HS3ST2: variants seen among roughly 807,000 people sequenced by gnomAD.
HS3ST2 encodes the protein heparan sulfate-glucosamine 3-sulfotransferase 2, also known as heparan sulfate glucosamine 3-O-sulfotransferase 2.
Under a neutral mutation model 26.3 loss-of-function variants are expected in HS3ST2, and 17 were observed. That is an observed-to-expected ratio of 0.65 (90% CI 0.44 to 0.97). HS3ST2 has a LOEUF of 0.97. Ranked by LOEUF, HS3ST2 falls within the 50% of genes least tolerant of loss-of-function variation. HS3ST2 has a pLI of 0.00. For synonymous variants in HS3ST2, 237 were observed against 219.2 expected, an observed-to-expected ratio of 1.08 and a Z score of -0.72; for missense variants, 402 against 501.2, an observed-to-expected ratio of 0.80 and a Z score of 1.89.
intron 1 of HS3ST2, among the ~76,000 whole-genome samples, chr16:22,881,921 AAGCATC>A (rs1225977112): frequency 6.6e-6 from 1 of 152,250 alleles, no homozygotes; most frequent in Non-Finnish European, 1.5e-5. Context: ...CAGTAGCCTG[AAGCATC>A]AGGAGACACA....
chr16:22,874,184 G>A (rs1259400448), intron 1 of HS3ST2, among the ~76,000 whole-genome samples: 1 of 152,178 alleles, frequency 6.6e-6, no homozygotes, highest in East Asian at 1.9e-4. Flanking sequence ...CATAAGCCAA[G>A]CTAGAAAACT....
intron 1 of HS3ST2, among the ~76,000 whole-genome samples, chr16:22,857,671 A>G (rs1596616332): frequency 1.3e-5 from 2 of 152,178 alleles, no homozygotes; most frequent in East Asian, 3.8e-4. Flanking sequence ...TCAATAATGG[A>G]ATGTGAAAGA....
Position 22,915,320 on chromosome 16 carries a change from G to A in HS3ST2, c.862G>A (p.Val288Ile). ...ITDPAGEMGRVQDFLGIKRFI... is the reference protein window; with the variant it reads ...ITDPAGEMGRIQDFLGIKRFI... ...TGACCCGGCCGGCGAGATGGGGCGA[G>A]TCCAGGACTTCCTGGGCATTAAGAG... Residue 288 changes from valine (V) to isoleucine (I), a missense_variant, in exon 2 of 2, where the codon GTC (valine) becomes ATC (isoleucine). Physicochemically the swap from Val to Ile is conservative, Grantham distance 29. Transcript: ENST00000261374. The A allele has an allele frequency of 6.2e-7, 1 of 1,614,100 alleles. No individual in the cohort carries two copies. The highest frequency in any genetic ancestry group is 1.1e-5 in the South Asian group (1 of 91,076).
At chr16:22,873,848 C>T (rs575202965) in intron 1 of HS3ST2, among the ~76,000 whole-genome samples, 4 of 152,252 alleles carry the variant, frequency 2.6e-5, no homozygotes, top group East Asian at 1.9e-4. Context: ...ACTAGTGGGT[C>T]GACTGCGGCT....
At chr16:22,821,580 G>C (rs1365603018) in intron 1 of HS3ST2, among the ~76,000 whole-genome samples, 1 of 151,986 alleles carries the variant, frequency 6.6e-6, no homozygotes, top group Non-Finnish European at 1.5e-5. Context: ...GAACTGATAA[G>C]TCACACAGAT....
intron 1 of HS3ST2, among the ~76,000 whole-genome samples, chr16:22,910,297 T>C (rs1321864210): frequency 6.6e-6 from 1 of 152,242 alleles, no homozygotes; most frequent in Non-Finnish European, 1.5e-5. Context: ...GGAATCTGTT[T>C]AATGGCAAGT....
intron 1 of HS3ST2, among the ~76,000 whole-genome samples, chr16:22,820,400 AT>A (rs1162910886): frequency 5.9e-5 from 9 of 152,198 alleles, no homozygotes; most frequent in African/African-American, 2.2e-4. Context: ...CTATTAATCC[AT>A]TTTCACACTG....
intron 1 of HS3ST2, among the ~76,000 whole-genome samples, chr16:22,837,118 A>AGTT (rs1444343033): frequency 4.5e-4 from 11 of 24,214 alleles, no homozygotes; most frequent in African/African-American, 1.1e-3. Flanking sequence ...ATGCCTATAC[A>AGTT]GTTTTTTTTT....
chr16:22,897,501 G>T (rs1902226119), intron 1 of HS3ST2, among the ~76,000 whole-genome samples: 2 of 152,064 alleles, frequency 1.3e-5, no homozygotes, highest in South Asian at 4.1e-4. Context: ...CATATTCAAG[G>T]ACTTAGACTA....
At position 22,826,471 on chromosome 16, in the gene HS3ST2, C is replaced by T. The variant is rs568624144; in HGVS notation, c.485+11376C>T. On this transcript the variant is annotated intron_variant, in intron 1 of 1. Transcript: ENST00000261374. ...ACCACTCTCTATCTTTCCTCACCAC[C>T]TTGCTTTATTTACTTCTTACTTCTC... Among the ~76,000 whole-genome samples the T allele has an allele frequency of 1.7e-4, 26 of 152,286 alleles. No individual in the cohort carries two copies. The South Asian group carries it at 5.4e-3, about 32-fold the overall frequency.
At chr16:22,855,945 G>T (rs1216683737) in intron 1 of HS3ST2, among the ~76,000 whole-genome samples, 1 of 152,146 alleles carries the variant, frequency 6.6e-6, no homozygotes, top group African/African-American at 2.4e-5. Context: ...GTTCTGCCTG[G>T]TTTGGGCATG....
intron 1 of HS3ST2, among the ~76,000 whole-genome samples, chr16:22,846,991 T>C (rs932893867): frequency 6.6e-6 from 1 of 152,122 alleles, no homozygotes; most frequent in Non-Finnish European, 1.5e-5. Context: ...TTTTAACTTT[T>C]ATTTTAGGTT....
At position 22,889,998 on chromosome 16, in the gene HS3ST2, A is replaced by G. The variant is rs533657370; in HGVS notation, c.486-24946A>G. ...GGATTGACTTCAAGATATAATAGTT[A>G]ACCAGTGAATACTTTCCTCTATTTC... On this transcript the variant is annotated intron_variant, in intron 1 of 1. Transcript: ENST00000261374. Among the ~76,000 whole-genome samples the G allele has an allele frequency of 6.6e-5, 10 of 152,368 alleles. No homozygotes were observed. In the South Asian group the frequency reaches 2.1e-3, roughly 32 times the overall value.
chr16:22,822,655 A>C (rs1596603377), intron 1 of HS3ST2, among the ~76,000 whole-genome samples: 1 of 151,912 alleles, frequency 6.6e-6, no homozygotes. Flanking sequence ...GGAGTTTGAG[A>C]CCAGCCTGGC....
chr16:22,832,414 C>T (rs746372248), intron 1 of HS3ST2, among the ~76,000 whole-genome samples: 1 of 152,072 alleles, frequency 6.6e-6, no homozygotes. Context: ...ATCAAAGAGA[C>T]CCAGCCCTCA....
At chr16:22,888,280 C>A (rs1902087786) in intron 1 of HS3ST2, among the ~76,000 whole-genome samples, 1 of 152,182 alleles carries the variant, frequency 6.6e-6, no homozygotes, top group Non-Finnish European at 1.5e-5. Flanking sequence ...CTCATTCAAG[C>A]CTAACTGATC....
intron 1 of HS3ST2, among the ~76,000 whole-genome samples, chr16:22,906,232 A>G (rs1315919742): frequency 6.6e-6 from 1 of 152,096 alleles, no homozygotes; most frequent in African/African-American, 2.4e-5. Flanking sequence ...TTAGCTGGGC[A>G]TGGTGATGCA....
At chr16:22,892,212 C>T (rs986240397) in intron 1 of HS3ST2, among the ~76,000 whole-genome samples, 5 of 151,340 alleles carry the variant, frequency 3.3e-5, no homozygotes, top group Non-Finnish European at 5.9e-5. Flanking sequence ...ATGGGGTGAA[C>T]CCAGGAAGTG....
intron 1 of HS3ST2, among the ~76,000 whole-genome samples, chr16:22,841,356 C>A (rs762049297): frequency 2.0e-5 from 3 of 152,168 alleles, no homozygotes; most frequent in Non-Finnish European, 4.4e-5. Flanking sequence ...CCACAGCGCC[C>A]GGCCTCACTC....
Sources: gnomAD v4.1 joint callset for allele counts (sites outside exome capture counted in the v4.1 genomes callset) on GRCh38, gnomAD v4.1.1 for gene constraint, MANE v1.5 for transcripts, NCBI Gene and HGNC (gene_info 2026-07-23, HGNC 2026-07-21) for gene names.